Variants in NECAB1 observed in about 807,000 individuals in gnomAD.
NECAB1 encodes N-terminal EF-hand calcium-binding protein 1.
In NECAB1, 29 loss-of-function variants were observed where a neutral mutation model predicts 57.5. The observed-to-expected ratio is 0.50, with a 90% CI of 0.38 to 0.69. The LOEUF (loss-of-function observed/expected upper bound fraction) is 0.69, where lower values mean the gene tolerates loss of function less well. Ranked by LOEUF, NECAB1 falls within the 30% of genes least tolerant of loss-of-function variation. The pLI, the probability that NECAB1 is intolerant of heterozygous loss-of-function variation, is 0.00. For missense variants in NECAB1, 372 were observed against 413.8 expected (o/e 0.90, Z 0.88); for synonymous variants, 142 against 147.7 (o/e 0.96, Z 0.28).
intron 2 of NECAB1, among the ~76,000 whole-genome samples, chr8:90,814,614 A>C (rs896456133): frequency 6.6e-6 from 1 of 152,094 alleles, no homozygotes; most frequent in Non-Finnish European, 1.5e-5. Context: ...ATATTACTCA[A>C]TTTGTTTTGT....
At chr8:90,843,061 G>A (rs1282582601) in intron 3 of NECAB1, among the ~76,000 whole-genome samples, 2 of 152,150 alleles carry the variant, frequency 1.3e-5, no homozygotes, top group African/African-American at 4.8e-5. Context: ...CATGGCAGAA[G>A]GCAAAGGAGG....
At chr8:90,920,790 A>G (rs1285111796) in intron 6 of NECAB1, among the ~76,000 whole-genome samples, 1 of 152,090 alleles carries the variant, frequency 6.6e-6, no homozygotes, top group Non-Finnish European at 1.5e-5. Context: ...CCCATTAGAC[A>G]TTGAGTTTTT....
At chr8:90,851,694 C>G (rs1489565555) in intron 3 of NECAB1, among the ~76,000 whole-genome samples, 2 of 152,090 alleles carry the variant, frequency 1.3e-5, no homozygotes. Flanking sequence ...CCCCCTGCAT[C>G]CACATATGCA....
intron 2 of NECAB1, among the ~76,000 whole-genome samples, chr8:90,810,001 A>G (rs1468556935): frequency 1.3e-5 from 2 of 152,254 alleles, no homozygotes; most frequent in Non-Finnish European, 2.9e-5. Flanking sequence ...CAAGGAAGAT[A>G]CTGTCATTGT....
At chr8:90,801,071 ATTAT>A (rs1586029607) in intron 1 of NECAB1, among the ~76,000 whole-genome samples, 1 of 152,188 alleles carries the variant, frequency 6.6e-6, no homozygotes, top group African/African-American at 2.4e-5. Flanking sequence ...CCCATGATGT[ATTAT>A]TTTTCTTTTA....
intron 3 of NECAB1, among the ~76,000 whole-genome samples, chr8:90,852,130 T>C (rs1812695732): frequency 6.6e-6 from 1 of 152,202 alleles, no homozygotes; most frequent in Non-Finnish European, 1.5e-5. Context: ...ATATGCTGCA[T>C]GCTCACTCAT....
rs987685252 is a variant in NECAB1 at position 90,791,798 on chromosome 8, C to G, written c.-89C>G. 10 of 1,040,074 alleles carry G rather than the reference C, an allele frequency of 9.6e-6. No individual in the cohort carries two copies. In the Admixed American group the frequency reaches 2.2e-4, roughly 22 times the overall value. The allele number at this position is 1,040,074 out of a possible 1,614,324, so 64.4% of individuals were successfully genotyped here. A position where few individuals can be genotyped will look rare whatever the true frequency, so the allele number is the denominator to read the frequency against. ...CCCTCCCGGATCCAGAGCCCGGCGGCGGCGAAGCAGCAGCTGCGGCCGCGC... is the reference window on the plus strand; with the variant it reads ...CCCTCCCGGATCCAGAGCCCGGCGGGGGCGAAGCAGCAGCTGCGGCCGCGC... On this transcript the variant is annotated 5_prime_UTR_variant, in exon 1 of 13. Coordinates refer to ENST00000417640, the MANE Select transcript of NECAB1 (RefSeq NM_022351.5).
At position 90,959,194 on chromosome 8, in the gene NECAB1, C is replaced by T. The variant is rs1811089388; in HGVS notation, c.*3682C>T. On this transcript the variant is annotated 3_prime_UTR_variant, in exon 13 of 13. Transcript: ENST00000417640. ...CTAGAACTGTCAAATAACAAAACGG[C>T]TCATGTTTTTAAAATATATGTAACT... 8 of 393,664 alleles carry T rather than the reference C, an allele frequency of 2.0e-5. No homozygotes were observed. In the East Asian group the frequency reaches 2.9e-4, roughly 14 times the overall value. 24.4% of individuals were successfully genotyped at this position (393,664 alleles called of 1,614,324 possible). A position where few individuals can be genotyped will look rare whatever the true frequency, so the allele number is the denominator to read the frequency against.
At chr8:90,827,079 T>C (rs1264629050) in intron 3 of NECAB1, among the ~76,000 whole-genome samples, 1 of 152,050 alleles carries the variant, frequency 6.6e-6, no homozygotes, top group African/African-American at 2.4e-5. Context: ...AATTCAAATG[T>C]TGGCACAGAA....
chr8:90,798,832 A>C (rs2130641310), intron 1 of NECAB1, among the ~76,000 whole-genome samples: 1 of 152,194 alleles, frequency 6.6e-6, no homozygotes, highest in East Asian at 1.9e-4. Context: ...GGGATTGCAG[A>C]GTCAAATGGT....
chr8:90,884,465 G>A (rs1843653), intron 5 of NECAB1, among the ~76,000 whole-genome samples: 7,836 of 152,112 alleles, frequency 0.052, 707 homozygotes, highest in African/African-American at 0.18. Flanking sequence ...TTCTATTTGG[G>A]ACAAACATCA....
rs559685195 is a variant in NECAB1, at chr8:90,861,520, C to T, written c.234-10608C>T. On this transcript the variant is annotated intron_variant, in intron 3 of 12. Transcript: ENST00000417640. ...CTCTCCTGATGAAAAGTAATCAATT[C>T]CATATGGTTAAGAGTAAAGGAAATG... 1.5e-3 allele frequency among the ~76,000 whole-genome samples: 235 copies of T among 152,198 alleles called. 1 individual carries two copies. Among genetic ancestry groups the T allele is most frequent in the African/African-American group, 5.2e-3 (216 of 41,528 alleles).
intron 10 of NECAB1, among the ~76,000 whole-genome samples, chr8:90,945,382 T>C (rs375708663): frequency 5.3e-5 from 8 of 152,070 alleles, no homozygotes; most frequent in African/African-American, 1.4e-4. Context: ...GTATTGCTTA[T>C]AGAGACAGGG....
At position 90,791,817 on chromosome 8, in the gene NECAB1, GC is replaced by G; in HGVS notation, c.-68del. On this transcript the variant is annotated 5_prime_UTR_variant, in exon 1 of 13. Transcript: ENST00000417640. ...CGGCGGCGGCGAAGCAGCAGCTGCGGCCGCGCCCTTGCCAGAGCCGGTGCGT... is the reference window on the plus strand; with the variant it reads ...CGGCGGCGGCGAAGCAGCAGCTGCGGCGCGCCCTTGCCAGAGCCGGTGCGT... The G allele has an allele frequency of 7.6e-7, 1 of 1,312,108 alleles. No homozygotes were observed. Among genetic ancestry groups the G allele is most frequent in the South Asian group, 1.3e-5 (1 of 78,380 alleles). The allele number at this position is 1,312,108 out of a possible 1,614,324, so 81.3% of individuals were successfully genotyped here.
chr8:90,801,775 AAAT>A (rs1811762889), intron 2 of NECAB1, 60 bp downstream of exon 2: 1 of 1,130,054 alleles, frequency 8.8e-7, no homozygotes, highest in Non-Finnish European at 1.3e-6. Flanking sequence ...ATTACCTTAT[AAAT>A]AATAATCAGG....
At chr8:90,808,895 T>A (rs957354448) in intron 2 of NECAB1, among the ~76,000 whole-genome samples, 2 of 152,230 alleles carry the variant, frequency 1.3e-5, no homozygotes, top group African/African-American at 4.8e-5. Context: ...TCTGCCCACC[T>A]CAGCCTCCCA....
intron 12 of NECAB1, among the ~76,000 whole-genome samples, chr8:90,952,761 G>C (rs1158686863): frequency 6.7e-6 from 1 of 149,084 alleles, no homozygotes; most frequent in African/African-American, 2.6e-5. Flanking sequence ...CTGGGCGACA[G>C]AGCGAGACTC....
chr8:90,958,950 T>A lies in NECAB1; in HGVS notation c.*3438T>A. The A allele has an allele frequency of 9.3e-7, 1 of 1,076,442 alleles. No homozygotes were observed. Among genetic ancestry groups the A allele is most frequent in the East Asian group, 2.8e-5 (1 of 35,798 alleles). The allele number at this position is 1,076,442 out of a possible 1,614,324, so 66.7% of individuals were successfully genotyped here. The stretch of plus-strand genomic sequence containing the variant: ...TGTCACAGTCCATTACAGTTATTGT[T>A]GCTAGATCCACCTCATTTGCAGATG... On this transcript the variant is annotated 3_prime_UTR_variant, in exon 13 of 13. Coordinates refer to ENST00000417640, the MANE Select transcript of NECAB1 (RefSeq NM_022351.5).
intron 2 of NECAB1, among the ~76,000 whole-genome samples, chr8:90,822,748 T>G (rs1226289928): frequency 6.6e-6 from 1 of 151,846 alleles, no homozygotes; most frequent in Non-Finnish European, 1.5e-5. Flanking sequence ...CTGAGAAATA[T>G]TAACCATTCA....
Sources: gnomAD v4.1 joint callset for allele counts (sites outside exome capture counted in the v4.1 genomes callset) on GRCh38, gnomAD v4.1.1 for gene constraint, MANE v1.5 for transcripts, NCBI Gene and HGNC (gene_info 2026-07-23, HGNC 2026-07-21) for gene names.